ARHGAP25: variants seen among roughly 807,000 people sequenced by gnomAD.
The protein encoded by ARHGAP25 is rho GTPase-activating protein 25.
Under a neutral mutation model 71.0 loss-of-function variants are expected in ARHGAP25, and 34 were observed. The observed-to-expected ratio is 0.48, with a 90% CI of 0.36 to 0.64. The LOEUF (loss-of-function observed/expected upper bound fraction) is 0.64, where lower values mean the gene tolerates loss of function less well. ARHGAP25 is among the 30% of genes least tolerant of loss of function. ARHGAP25 has a pLI of 0.00. For synonymous variants in ARHGAP25, 282 were observed against 296.5 expected, an observed-to-expected ratio of 0.95 and a Z score of 0.50; for missense variants, 706 against 805.1, an observed-to-expected ratio of 0.88 and a Z score of 1.49.
intron 4 of ARHGAP25, among the ~76,000 whole-genome samples, chr2:68,794,997 C>G (rs746221855): frequency 1.1e-4 from 17 of 152,012 alleles, no homozygotes; most frequent in Non-Finnish European, 1.9e-4. Flanking sequence ...CTGCTTCAGT[C>G]TTGGGAGGTA....
At chr2:68,818,208 T>C (rs912102460) in intron 8 of ARHGAP25, among the ~76,000 whole-genome samples, 4 of 152,244 alleles carry the variant, frequency 2.6e-5, no homozygotes, top group Non-Finnish European at 5.9e-5. Flanking sequence ...GTTTGCCCAA[T>C]GGTCCCACAG....
At chr2:68,715,363 C>CAAT (rs772128663) in intron 2 of ARHGAP25, among the ~76,000 whole-genome samples, 4,900 of 152,142 alleles carry the variant, frequency 0.032, 114 homozygotes, top group East Asian at 0.11. Context: ...TTTGAGAAGC[C>CAAT]CCGTTCTAAG....
intron 5 of ARHGAP25, among the ~76,000 whole-genome samples, chr2:68,811,579 G>A (rs1411863390): frequency 6.6e-6 from 1 of 152,160 alleles, no homozygotes; most frequent in Non-Finnish European, 1.5e-5. Flanking sequence ...GGCAGCCATG[G>A]AGCATAGAGT....
chr2:68,774,109 G>T (rs767235137), intron 1 of ARHGAP25, among the ~76,000 whole-genome samples: 3 of 152,166 alleles, frequency 2.0e-5, no homozygotes, highest in South Asian at 4.1e-4. Context: ...GCTGAAAAAG[G>T]GGGTTGGAAG....
At chr2:68,711,707 C>G (rs532851607) in intron 2 of ARHGAP25, among the ~76,000 whole-genome samples, 1 of 141,582 alleles carries the variant, frequency 7.1e-6, no homozygotes, top group Non-Finnish European at 1.5e-5. Context: ...TGTGATGTTC[C>G]CCTCCCTGTG....
chr2:68,745,518 C>G (rs2104300741), intron 1 of ARHGAP25, among the ~76,000 whole-genome samples: 1 of 152,268 alleles, frequency 6.6e-6, no homozygotes, highest in Middle Eastern at 3.4e-3. Flanking sequence ...GGCCATTTTT[C>G]CTCATCATAA....
intron 2 of ARHGAP25, among the ~76,000 whole-genome samples, chr2:68,721,288 T>G (rs1185025162): frequency 6.6e-6 from 1 of 152,236 alleles, no homozygotes; most frequent in African/African-American, 2.4e-5. Context: ...ATTTTATACT[T>G]CATTGTAATG....
At chr2:68,817,182 A>G (rs1284724392) in intron 7 of ARHGAP25, among the ~76,000 whole-genome samples, 1 of 152,172 alleles carries the variant, frequency 6.6e-6, no homozygotes, top group South Asian at 2.1e-4. Context: ...TAACTTCATA[A>G]TATTTCATAA....
intron 2 of ARHGAP25, among the ~76,000 whole-genome samples, chr2:68,781,121 C>T (rs946041051): frequency 1.3e-5 from 2 of 152,104 alleles, no homozygotes; most frequent in African/African-American, 2.4e-5. Flanking sequence ...GGCACGGTGG[C>T]TCATGCCTGT....
At chr2:68,770,368 A>T (rs1336366989) in intron 1 of ARHGAP25, among the ~76,000 whole-genome samples, 2 of 152,236 alleles carry the variant, frequency 1.3e-5, no homozygotes, top group East Asian at 3.8e-4. Context: ...TGCACAGCTC[A>T]TATCAACATA....
intron 1 of ARHGAP25, among the ~76,000 whole-genome samples, chr2:68,760,084 G>A (rs1676708465): frequency 6.6e-6 from 1 of 151,982 alleles, no homozygotes; most frequent in South Asian, 2.1e-4. Context: ...GAATGAAGGG[G>A]AAAAACATAT....
rs1331827047 is a variant in ARHGAP25, at chr2:68,826,166, C to T, written c.1913C>T (p.Ser638Phe). The T allele has an allele frequency of 6.2e-7, 1 of 1,614,130 alleles. No individual in the cohort carries two copies. Among genetic ancestry groups the T allele is most frequent in the Non-Finnish European group, 8.5e-7 (1 of 1,180,012 alleles). Residue 638 changes from serine (S) to phenylalanine (F), a missense_variant, in exon 11 of 11, where the codon TCC becomes TTC. Transcript: ENST00000409202. ...GAAGAAGTCAAGGAATTTGTCAAAT[C>T]CATGAAGGAACCCAAGACCGAGGCT... ...LEEEVKEFVK[S>F]MKEPKTEA is the part of the protein sequence containing the mutation.
chr2:68,801,945 TCTAA>T (rs902567014), intron 4 of ARHGAP25, among the ~76,000 whole-genome samples: 5 of 152,170 alleles, frequency 3.3e-5, no homozygotes, highest in Non-Finnish European at 5.9e-5. Flanking sequence ...TTTCATACTC[TCTAA>T]CTATCAAAGA....
chr2:68,817,897 C>T lies in ARHGAP25; in HGVS notation c.906C>T (p.Asn302=). The T allele has an allele frequency of 6.2e-7, 1 of 1,613,990 alleles. No homozygotes were observed. Among genetic ancestry groups the T allele is most frequent in the Non-Finnish European group, 8.5e-7 (1 of 1,179,890 alleles). The part of the protein sequence containing the change: ...ICRFLHEIQL[N]CAVNKMSVDN... ...GGTTCCTACATGAAATACAGCTGAA[C>T]TGTGCTGTTAACAAGATGAGTGTGG... Residue 302 remains asparagine (N), a synonymous_variant, in exon 8 of 11, where the codon AAC becomes AAT. Coordinates refer to ENST00000409202, the MANE Select transcript of ARHGAP25 (RefSeq NM_001007231.3).
intron 1 of ARHGAP25, among the ~76,000 whole-genome samples, chr2:68,738,704 C>T (rs1573398341): frequency 1.3e-5 from 2 of 152,038 alleles, no homozygotes; most frequent in South Asian, 4.2e-4. Context: ...ACCTGTAATC[C>T]CAGCTACTTG....
chr2:68,724,937 C>T (rs1674848415), intron 2 of ARHGAP25, among the ~76,000 whole-genome samples: 1 of 152,194 alleles, frequency 6.6e-6, no homozygotes, highest in Admixed American at 6.5e-5. Context: ...TTCTGGCTAC[C>T]AGCAGAGCCT....
At chr2:68,803,512 G>C (rs550458432) in intron 4 of ARHGAP25, among the ~76,000 whole-genome samples, 2 of 152,050 alleles carry the variant, frequency 1.3e-5, no homozygotes, top group South Asian at 4.1e-4. Flanking sequence ...ATATGGTAAA[G>C]AGAAGGAAGG....
Position 68,826,430 on chromosome 2 carries a change from C to A in ARHGAP25, c.*236C>A. 1 of 615,560 alleles carries A rather than the reference C, an allele frequency of 1.6e-6. No individual in the cohort carries two copies. The highest frequency in any genetic ancestry group is 3.0e-6 in the Non-Finnish European group (1 of 337,698). 38.1% of individuals were successfully genotyped at this position (615,560 alleles called of 1,614,324 possible). A position where few individuals can be genotyped will look rare whatever the true frequency, so the allele number is the denominator to read the frequency against. On this transcript the variant is annotated 3_prime_UTR_variant, in exon 11 of 11. Transcript: ENST00000409202. The stretch of plus-strand genomic sequence containing the variant: ...CTGTATTCAAATGGATTGTTTTATT[C>A]CATTCTGGTCTCAGGCATGACCACG...
chr2:68,719,896 C>T (rs1013432950), intron 2 of ARHGAP25, among the ~76,000 whole-genome samples: 4 of 152,154 alleles, frequency 2.6e-5, no homozygotes, highest in African/African-American at 9.7e-5. Context: ...ACTCATGCCA[C>T]CATCATAATC....
Sources: allele counts gnomAD v4.1 joint callset (sites outside exome capture counted in the v4.1 genomes callset), GRCh38; gene constraint gnomAD v4.1.1; transcripts MANE v1.5; gene names NCBI Gene and HGNC (gene_info 2026-07-23, HGNC 2026-07-21).